LRRC4C: variants seen among roughly 807,000 people sequenced by gnomAD.
LRRC4C encodes the protein leucine rich repeat containing 4C, also known as leucine-rich repeat-containing protein 4C.
A neutral mutation model predicts 33.6 loss-of-function variants in LRRC4C; 5 were observed. The observed-to-expected ratio is 0.15, with a 90% CI of 0.08 to 0.31. The LOEUF (loss-of-function observed/expected upper bound fraction) is 0.31, where lower values mean the gene tolerates loss of function less well. Ranked by LOEUF, LRRC4C falls within the 10% of genes least tolerant of loss-of-function variation. LRRC4C has a pLI of 1.00. For synonymous variants in LRRC4C, 329 were observed against 302.0 expected (o/e 1.09, Z -0.93); for missense variants, 560 against 796.7 (o/e 0.70, Z 3.58).
rs186631069 is a variant in LRRC4C, at chr11:40,462,449, A to C, written c.-269-142728T>G. ...ATAGAGAGTATGTACAGTGTTAAAA[A>C]TAACATGAACCTCGAACAAAGATTA... On this transcript the variant is annotated intron_variant, in intron 3 of 6. Coordinates refer to ENST00000528697, the MANE Select transcript of LRRC4C (RefSeq NM_001258419.2). 1.8e-3 allele frequency among the ~76,000 whole-genome samples: 279 copies of C among 152,212 alleles called. 1 individual carries two copies. Among genetic ancestry groups the C allele is most frequent in the Non-Finnish European group, 3.1e-3 (212 of 67,984 alleles).
chr11:41,016,958 C>A (rs148703586), intron 1 of LRRC4C, among the ~76,000 whole-genome samples: 1 of 152,108 alleles, frequency 6.6e-6, no homozygotes, highest in African/African-American at 2.4e-5. Flanking sequence ...CAAACTCATA[C>A]AACTCGGATA....
intron 5 of LRRC4C, among the ~76,000 whole-genome samples, chr11:40,152,937 C>T (rs532820719): frequency 6.6e-6 from 1 of 152,266 alleles, no homozygotes; most frequent in African/African-American, 2.4e-5. Flanking sequence ...CACACTACCA[C>T]AGCTGCTGCT....
intron 1 of LRRC4C, among the ~76,000 whole-genome samples, chr11:41,343,078 C>T (rs1275626656): frequency 6.6e-6 from 1 of 152,172 alleles, no homozygotes; most frequent in Non-Finnish European, 1.5e-5. Flanking sequence ...GGATTTAGGG[C>T]CCACCCAGTT....
Position 40,372,391 on chromosome 11 carries a change from C to T in LRRC4C, c.-269-52670G>A, listed in dbSNP as rs567878051. ...AATGGGCATGTAGCAGAGAAGTACACAAACCTTCTCTAGATTGTTACACTT... is the reference window on the plus strand; with the variant it reads ...AATGGGCATGTAGCAGAGAAGTACATAAACCTTCTCTAGATTGTTACACTT... On this transcript the variant is annotated intron_variant, in intron 3 of 6. Transcript: ENST00000528697. Among the ~76,000 whole-genome samples the T allele has an allele frequency of 5.3e-5, 8 of 152,300 alleles. No homozygotes were observed. The East Asian group carries it at 1.4e-3, about 26-fold the overall frequency.
chr11:41,289,378 A>G (rs1409451969), intron 1 of LRRC4C, among the ~76,000 whole-genome samples: 1 of 152,204 alleles, frequency 6.6e-6, no homozygotes, highest in Non-Finnish European at 1.5e-5. Flanking sequence ...TCTATGGACT[A>G]AATTATGTAT....
chr11:40,246,432 G>T lies in LRRC4C; in HGVS notation c.-175-4834C>A, dbSNP rs535739092. Among the ~76,000 whole-genome samples the T allele has an allele frequency of 5.3e-5, 8 of 152,258 alleles. No individual in the cohort carries two copies. The East Asian group carries it at 1.4e-3, about 26-fold the overall frequency. On this transcript the variant is annotated intron_variant, in intron 4 of 6. Coordinates refer to ENST00000528697, the MANE Select transcript of LRRC4C (RefSeq NM_001258419.2). ...AGTACTTCATCTCTGTAGTGATTAA[G>T]GACTGTGGAAAATGATAACATGGCA...
chr11:40,292,257 C>A (rs1225907475), intron 4 of LRRC4C: 1 of 151,980 alleles, frequency 6.6e-6, no homozygotes, highest in African/African-American at 2.4e-5. Context: ...CAAGAGAAAA[C>A]GCATGATCTT....
At chr11:40,562,243 C>T (rs1353318481) in intron 3 of LRRC4C, among the ~76,000 whole-genome samples, 3 of 152,148 alleles carry the variant, frequency 2.0e-5, no homozygotes, top group Non-Finnish European at 2.9e-5. Flanking sequence ...TGATTATCAA[C>T]ATGAAGCAAC....
chr11:40,503,704 T>G (rs1440574902), intron 3 of LRRC4C, among the ~76,000 whole-genome samples: 3 of 152,200 alleles, frequency 2.0e-5, no homozygotes, highest in African/African-American at 7.2e-5. Flanking sequence ...CATTCTTAAA[T>G]TTTTATTTCT....
chr11:40,936,311 A>G (rs1240720419), intron 1 of LRRC4C, among the ~76,000 whole-genome samples: 1 of 149,870 alleles, frequency 6.7e-6, no homozygotes, highest in Admixed American at 6.7e-5. Flanking sequence ...GAATTTAATA[A>G]TAGCAACAAT....
chr11:41,043,029 A>C, intron 1 of LRRC4C, among the ~76,000 whole-genome samples: 1 of 145,300 alleles, frequency 6.9e-6, no homozygotes, highest in Non-Finnish European at 1.5e-5. Flanking sequence ...TGCTTTATGC[A>C]AGTCTCATCG....
chr11:41,249,176 A>C (rs1242819393), intron 1 of LRRC4C, among the ~76,000 whole-genome samples: 3 of 151,968 alleles, frequency 2.0e-5, no homozygotes. Context: ...CTGGGACTAC[A>C]GGCACCTGCC....
intron 2 of LRRC4C, among the ~76,000 whole-genome samples, chr11:40,919,377 T>G (rs556410106): frequency 2.6e-5 from 4 of 152,306 alleles, no homozygotes; most frequent in African/African-American, 7.2e-5. Context: ...CAGTTCTTAA[T>G]TTGTAGAGTT....
chr11:40,637,359 T>C (rs1941818114), intron 3 of LRRC4C, among the ~76,000 whole-genome samples: 1 of 152,250 alleles, frequency 6.6e-6, no homozygotes, highest in East Asian at 1.9e-4. Flanking sequence ...ATCAAGTGAC[T>C]AAGTATAGAA....
chr11:40,698,860 C>T (rs530598624), intron 2 of LRRC4C, among the ~76,000 whole-genome samples: 4 of 152,158 alleles, frequency 2.6e-5, no homozygotes, highest in African/African-American at 7.2e-5. Flanking sequence ...TCTCTTGAGA[C>T]GTATTCACTA....
At chr11:41,214,715 A>AATATGTGAT (rs1173123940) in intron 1 of LRRC4C, among the ~76,000 whole-genome samples, 4 of 147,970 alleles carry the variant, frequency 2.7e-5, no homozygotes, top group African/African-American at 9.9e-5. Flanking sequence ...ACGCCACTGC[A>AATATGTGAT]CTCCAGCCTG....
chr11:40,631,401 A>C (rs74455930), intron 3 of LRRC4C, among the ~76,000 whole-genome samples: 1 of 152,190 alleles, frequency 6.6e-6, no homozygotes, highest in Non-Finnish European at 1.5e-5. Flanking sequence ...GTTTGGGGCC[A>C]GAGTCACTTT....
chr11:40,990,302 A>G (rs1483041800), intron 1 of LRRC4C, among the ~76,000 whole-genome samples: 3 of 145,844 alleles, frequency 2.1e-5, no homozygotes, highest in African/African-American at 7.5e-5. Flanking sequence ...TGACACATGT[A>G]TAAGTCAAGT....
intron 2 of LRRC4C, among the ~76,000 whole-genome samples, chr11:40,802,265 C>T (rs57272043): frequency 0.03 from 4,633 of 152,094 alleles, 222 homozygotes; most frequent in African/African-American, 0.1. Flanking sequence ...GTTGTTTTGA[C>T]TACTGGTTTC....
Sources: allele counts gnomAD v4.1 joint callset (sites outside exome capture counted in the v4.1 genomes callset), GRCh38; gene constraint gnomAD v4.1.1; transcripts MANE v1.5; gene names NCBI Gene and HGNC (gene_info 2026-07-23, HGNC 2026-07-21).